THUMPD2: variants seen among roughly 807,000 people sequenced by gnomAD.
THUMPD2 encodes the protein U6 snRNA (guanine-N(2))-methyltransferase THUMPD2.
In THUMPD2, 56 loss-of-function variants were observed where a neutral mutation model predicts 49.4. The observed-to-expected ratio is 1.13, with a 90% CI of 0.91 to 1.41. The LOEUF (loss-of-function observed/expected upper bound fraction) is 1.41, where lower values mean the gene tolerates loss of function less well. Among genes scored for constraint, THUMPD2 ranks in the 40% most tolerant of loss-of-function variants. The pLI, the probability that THUMPD2 is intolerant of heterozygous loss-of-function variation, is 0.00. For missense variants in THUMPD2, 709 were observed against 594.5 expected (o/e 1.19, Z -2.00); for synonymous variants, 237 against 205.2 (o/e 1.15, Z -1.32).
intron 8 of THUMPD2, among the ~76,000 whole-genome samples, chr2:39,751,099 A>C (rs1315064591): frequency 6.6e-6 from 1 of 152,202 alleles, no homozygotes; most frequent in Non-Finnish European, 1.5e-5. Flanking sequence ...CTACCCCATC[A>C]CTTTCCACAT....
Position 39,769,998 on chromosome 2 carries a change from T to A in THUMPD2, c.384A>T (p.Arg128Ser). The change falls in exon 3 of 10, where the codon AGA (arginine) becomes AGT (serine). Residue 128 changes from arginine to serine, a missense_variant. Arg to Ser is a moderately radical substitution (Grantham distance 110). Coordinates refer to ENST00000505747, the MANE Select transcript of THUMPD2 (RefSeq NM_025264.5). ...CTTTTCTTTTTAGTTGGTTATCATC[T>A]CTCTGAGAAAGTTTTTCCTTTTTTG... Reference protein sequence around the residue: ...LDAKKEKLSQRDDNQLKRKVG... With the variant: ...LDAKKEKLSQSDDNQLKRKVG... 2.5e-6 allele frequency: 4 copies of A among 1,575,522 alleles called. No individual in the cohort carries two copies. The highest frequency in any genetic ancestry group is 3.4e-6 in the Non-Finnish European group (4 of 1,169,482).
chr2:39,741,108 A>G (rs752555786), intron 9 of THUMPD2, among the ~76,000 whole-genome samples: 4 of 152,328 alleles, frequency 2.6e-5, no homozygotes, highest in Middle Eastern at 3.4e-3. Context: ...GATGATAATA[A>G]TAAGAATACA....
intron 9 of THUMPD2, among the ~76,000 whole-genome samples, chr2:39,741,049 T>C (rs1053114963): frequency 6.6e-6 from 1 of 152,176 alleles, no homozygotes; most frequent in African/African-American, 2.4e-5. Context: ...TTCAGAATTA[T>C]AAAGCAATGT....
chr2:39,748,719 G>T (rs1274809855), intron 8 of THUMPD2, among the ~76,000 whole-genome samples: 1 of 152,048 alleles, frequency 6.6e-6, no homozygotes, highest in African/African-American at 2.4e-5. Flanking sequence ...CAGGTATGGG[G>T]TGGCTCACAC....
At chr2:39,751,166 G>A (rs17038962) in intron 8 of THUMPD2, among the ~76,000 whole-genome samples, 4,060 of 152,310 alleles carry the variant, frequency 0.027, 174 homozygotes, top group African/African-American at 0.092. Flanking sequence ...TGCAGAATAC[G>A]GCGTGGGCCA....
At position 39,744,435 on chromosome 2, in the gene THUMPD2, G is replaced by T; in HGVS notation, c.1122C>A (p.Asp374Glu). The change falls in exon 9 of 10, where the codon GAC becomes GAA. Residue 374 changes from aspartate to glutamate, a missense_variant. Asp to Glu is a conservative substitution (Grantham distance 45, BLOSUM62 2). Coordinates refer to ENST00000505747, the MANE Select transcript of THUMPD2 (RefSeq NM_025264.5). ...ACTTAAACTTTTTCCCAAATGGAATGTCAGAAATAATAATATCAACACTTT... is the reference window on the plus strand; with the variant it reads ...ACTTAAACTTTTTCCCAAATGGAATTTCAGAAATAATAATATCAACACTTT... ...PSESVDIIIS[D>E]IPFGKKFKLG... is the part of the protein sequence containing the mutation. The T allele has an allele frequency of 6.3e-7, 1 of 1,589,692 alleles. No homozygotes were observed. Among genetic ancestry groups the T allele is most frequent in the Non-Finnish European group, 8.5e-7 (1 of 1,171,152 alleles).
intron 9 of THUMPD2, among the ~76,000 whole-genome samples, chr2:39,738,380 T>G (rs1179359188): frequency 6.6e-6 from 1 of 151,868 alleles, no homozygotes; most frequent in Non-Finnish European, 1.5e-5. Flanking sequence ...CTGGGCAACA[T>G]GGCAAAACAT....
intron 6 of THUMPD2, among the ~76,000 whole-genome samples, chr2:39,761,038 T>C (rs983628976): frequency 4.6e-5 from 7 of 152,022 alleles, no homozygotes; most frequent in African/African-American, 1.4e-4. Flanking sequence ...ACTTTAAGAA[T>C]AGGAGGTTTT....
Position 39,768,974 on chromosome 2 carries a change from A to C in THUMPD2, c.673-473T>G, listed in dbSNP as rs1458454373. 3.1e-6 allele frequency: 4 copies of C among 1,304,410 alleles called. No homozygotes were observed. The African/African-American group carries it at 6.1e-5, about 20-fold the overall frequency. The allele number at this position is 1,304,410 out of a possible 1,614,324, so 80.8% of individuals were successfully genotyped here. On this transcript the variant is annotated intron_variant, in intron 3 of 9. Transcript: ENST00000505747. The stretch of plus-strand genomic sequence containing the variant: ...GGCCTTTAACATCACTGAACTTTGT[A>C]AGGGCCAACTGATGAGGTCTGGTGA...
Position 39,779,149 on chromosome 2 carries a change from T to C in THUMPD2, c.91A>G (p.Met31Val), listed in dbSNP as rs1679527403. 2 of 1,519,894 alleles carry C rather than the reference T, an allele frequency of 1.3e-6. No homozygotes were observed. The highest frequency in any genetic ancestry group is 1.8e-6 in the Non-Finnish European group (2 of 1,139,594). The allele number at this position is 1,519,894 out of a possible 1,614,324, so 94.2% of individuals were successfully genotyped here. The change falls in exon 1 of 10, where the codon ATG becomes GTG. Residue 31 changes from methionine to valine, a missense_variant. Coordinates refer to ENST00000505747, the MANE Select transcript of THUMPD2 (RefSeq NM_025264.5). ...TAGRGLEPFVMREVRARLAAT... is the reference protein window; with the variant it reads ...TAGRGLEPFVVREVRARLAAT... ...GCCAGCCGCGCCCGCACCTCTCGCA[T>C]TACGAACGGCTCCAGGCCGCGACCC...
chr2:39,758,602 C>T (rs6722610), intron 6 of THUMPD2, among the ~76,000 whole-genome samples: 82,361 of 151,938 alleles, frequency 0.54, 23,032 homozygotes, highest in East Asian at 0.82. Flanking sequence ...AATAGAGAAG[C>T]TTCCTCCAGG....
Position 39,771,537 on chromosome 2 carries a change from T to C in THUMPD2, c.230A>G (p.Gln77Arg), listed in dbSNP as rs943883635. ...TACAGAAGAAATAATAAGTGGAAAC[T>C]GCTTTTTAATCAGCAAAAATAATCT... is the stretch of plus-strand genomic sequence containing the variant. ...AERLFLLIKK[Q>R]FPLIISSVSK... Residue 77 changes from glutamine (Q) to arginine (R), a missense_variant, in exon 2 of 10, where the codon CAG becomes CGG. Physicochemically the swap from Gln to Arg is conservative, Grantham distance 43. Transcript: ENST00000505747. The C allele has an allele frequency of 6.2e-6, 10 of 1,607,230 alleles. No individual in the cohort carries two copies. Among genetic ancestry groups the C allele is most frequent in the Admixed American group, 3.4e-5 (2 of 58,400 alleles).
intron 4 of THUMPD2, among the ~76,000 whole-genome samples, chr2:39,767,603 C>CAAAAAAAAAAAAAAAAAAAAA (rs57906396): frequency 1.0e-4 from 7 of 67,838 alleles, no homozygotes; most frequent in African/African-American, 5.4e-4. Context: ...GACTCCGTCT[C>CAAAAAAAAAAAAAAAAAAAAA]AAAAAAAAAA....
At chr2:39,769,250 C>T in intron 3 of THUMPD2, 1 of 342,944 alleles carries the variant, frequency 2.9e-6, no homozygotes, top group Non-Finnish European at 5.7e-6. Flanking sequence ...CTTGGAATGG[C>T]ATACCATTCC....
At chr2:39,766,264 T>A in intron 4 of THUMPD2, 155 bp from the exon 5 acceptor site, 1 of 453,402 alleles carries the variant, frequency 2.2e-6, no homozygotes, top group Non-Finnish European at 3.7e-6. Flanking sequence ...TTCTATAATC[T>A]TTTTTTTTCT....
intron 3 of THUMPD2, chr2:39,769,424 A>G: frequency 3.1e-6 from 1 of 318,786 alleles, no homozygotes; most frequent in East Asian, 5.7e-5. Context: ...CCCCCAGGCC[A>G]GGCATGGTGG....
At chr2:39,750,578 G>A (rs1477684011) in intron 8 of THUMPD2, among the ~76,000 whole-genome samples, 1 of 152,088 alleles carries the variant, frequency 6.6e-6, no homozygotes, top group African/African-American at 2.4e-5. Context: ...GTGATGGTGT[G>A]TGCCTGTAAT....
intron 2 of THUMPD2, among the ~76,000 whole-genome samples, chr2:39,771,224 T>C (rs1275389735): frequency 6.6e-6 from 1 of 152,110 alleles, no homozygotes; most frequent in Non-Finnish European, 1.5e-5. Context: ...ACTGACCATA[T>C]ATATCTCTAG....
chr2:39,767,591 G>A (rs1372081527), intron 4 of THUMPD2, among the ~76,000 whole-genome samples: 2 of 91,706 alleles, frequency 2.2e-5, no homozygotes, highest in African/African-American at 1.1e-4. Context: ...GCGACAGAGC[G>A]AGACTCCGTC....
Sources: gnomAD v4.1 joint callset for allele counts (sites outside exome capture counted in the v4.1 genomes callset) on GRCh38, gnomAD v4.1.1 for gene constraint, MANE v1.5 for transcripts, NCBI Gene and HGNC (gene_info 2026-07-23, HGNC 2026-07-21) for gene names.